The following ADAM11 variants were observed in gnomAD, a reference collection of about 807,000 sequenced individuals.
ADAM11 encodes disintegrin and metalloproteinase domain-containing protein 11.
ADAM11 carries 49 observed loss-of-function variants against 119.1 expected under a neutral mutation model. The ratio of observed to expected loss-of-function variants is 0.41; its 90% CI spans 0.33 to 0.52. ADAM11 has a LOEUF of 0.52. Among genes scored for constraint, ADAM11 ranks in the 20% least tolerant of loss-of-function variants. The pLI, the probability that ADAM11 is intolerant of heterozygous loss-of-function variation, is 0.20. For synonymous variants in ADAM11, 364 were observed against 408.0 expected (o/e 0.89, Z 1.30); for missense variants, 777 against 1,047.5 (o/e 0.74, Z 3.56).
chr17:44,763,688 C>T lies in ADAM11; in HGVS notation c.237+3791C>T, dbSNP rs568821377. On this transcript the variant is annotated intron_variant, in intron 2 of 26. Coordinates refer to ENST00000200557, the MANE Select transcript of ADAM11 (RefSeq NM_002390.6). ...ATCTGTGGGCTTATGGGGCCACATG[C>T]GTTCTGACTTGCAGGGGGATCTTGT... Among the ~76,000 whole-genome samples, 10 of 151,876 alleles carry T rather than the reference C, an allele frequency of 6.6e-5. No homozygotes were observed. The South Asian group carries it at 1.0e-3, about 16-fold the overall frequency.
At chr17:44,762,969 CAAAAAAA>C (rs56690757) in intron 2 of ADAM11, among the ~76,000 whole-genome samples, 1 of 130,772 alleles carries the variant, frequency 7.6e-6, no homozygotes. Context: ...CCGTCTCTAC[CAAAAAAA>C]AAAAAAAAAA....
chr17:44,775,735 C>A lies in ADAM11; in HGVS notation c.1485+59C>A. 2 of 1,473,396 alleles carry A rather than the reference C, an allele frequency of 1.4e-6. No homozygotes were observed. The highest frequency in any genetic ancestry group is 9.2e-7 in the Non-Finnish European group (1 of 1,091,918). The allele number at this position is 1,473,396 out of a possible 1,614,324, so 91.3% of individuals were successfully genotyped here. ...CGCAGGAGGAGCGATTGGAGGCCTT[C>A]ATATAAGGGGTGGGAGCTAGGGAGG... On this transcript the variant is annotated intron_variant, in intron 17 of 26. Transcript: ENST00000200557. The surrounding 1 kb of genome is among the most constrained non-coding windows in gnomAD (Gnocchi z 7.5).
rs746639364 is a variant in ADAM11, at chr17:44,769,838, G to C, written c.314+44G>C. The stretch of plus-strand genomic sequence containing the variant: ...CCAAGAGGAAGGGCAGTGGTGGGGC[G>C]GGGGAGACATGGCTAGGGCCTGGCT... On this transcript the variant is annotated intron_variant, in intron 3 of 26. Transcript: ENST00000200557. 10 of 1,607,022 alleles carry C rather than the reference G, an allele frequency of 6.2e-6. No homozygotes were observed. In the South Asian group the frequency reaches 1.1e-4, roughly 18 times the overall value.
At chr17:44,759,480 C>G in intron 1 of ADAM11, 1 of 1,248,318 alleles carries the variant, frequency 8.0e-7, no homozygotes, top group Non-Finnish European at 1.0e-6. Flanking sequence ...GACCGGCCAG[C>G]TCTGCAGGTC....
At chr17:44,767,027 A>C (rs1288154322) in intron 2 of ADAM11, among the ~76,000 whole-genome samples, 1 of 152,116 alleles carries the variant, frequency 6.6e-6, no homozygotes, top group South Asian at 2.1e-4. Flanking sequence ...CAACACAGTG[A>C]GATCCCATCT....
Position 44,775,642 on chromosome 17 carries a change from T to G in ADAM11, c.1451T>G (p.Met484Arg). The change falls in exon 17 of 27, where the codon ATG becomes AGG. Residue 484 changes from methionine (M) to arginine (R), a missense_variant. Around this residue, in one of 4 missense-constraint regions of ADAM11, gnomAD observed 348 missense variants for 486.7 expected, o/e 0.72. Transcript: ENST00000200557. The surrounding 1 kb of genome is among the most constrained non-coding windows in gnomAD (Gnocchi z 7.5). The part of the protein sequence containing the change: ...CKKCTLTHDA[M>R]CSDGLCCRRC... ...AAATGCACCCTGACTCACGACGCCA[T>G]GTGCAGCGACGGGCTCTGCTGTCGC... 6.3e-7 allele frequency: 1 copy of G among 1,592,288 alleles called. No individual in the cohort carries two copies. The highest frequency in any genetic ancestry group is 2.3e-5 in the East Asian group (1 of 44,310).
In ADAM11 at chr17:44,771,612, G is replaced by A; in HGVS notation, c.410G>A (p.Gly137Glu). Reference protein sequence around the residue: ...TGAGDHCYYQGKLRGNPHSFA... With the variant: ...TGAGDHCYYQEKLRGNPHSFA... ...GCTGGAGACCACTGCTACTACCAGG[G>A]GAAGCTCCGGGGGAACCCGCACTCC... Residue 137 changes from glycine to glutamate, a missense_variant, in exon 5 of 27, where the codon GGG (glycine) becomes GAG (glutamate). By Grantham distance (98) the Gly-to-Glu change is moderately conservative. Around this residue, in one of 4 missense-constraint regions of ADAM11, gnomAD observed 278 missense variants for 310.1 expected, o/e 0.90. Transcript: ENST00000200557. The A allele has an allele frequency of 6.2e-7, 1 of 1,612,020 alleles. No homozygotes were observed. The highest frequency in any genetic ancestry group is 8.5e-7 in the Non-Finnish European group (1 of 1,179,554).
At position 44,774,365 on chromosome 17, in the gene ADAM11, G is replaced by A. The variant is rs1175930254; in HGVS notation, c.1063G>A (p.Gly355Arg). 2.0e-6 allele frequency: 3 copies of A among 1,490,708 alleles called. No individual in the cohort carries two copies. Among genetic ancestry groups the A allele is most frequent in the Non-Finnish European group, 2.7e-6 (3 of 1,112,694 alleles). 92.3% of individuals were successfully genotyped at this position (1,490,708 alleles called of 1,614,324 possible). A position where few individuals can be genotyped will look rare whatever the true frequency, so the allele number is the denominator to read the frequency against. Residue 355 changes from glycine (G) to arginine (R), a missense_variant, in exon 12 of 27, where the codon GGG (glycine) becomes AGG (arginine). By Grantham distance (125) the Gly-to-Arg change is moderately radical (BLOSUM62 -2). Around this residue, in one of 4 missense-constraint regions of ADAM11, gnomAD observed 147 missense variants for 223.3 expected, o/e 0.66. Transcript: ENST00000200557. ...VGGICSLSHG[G>R]GVNEYGNMGA... ...GGGCATATGCTCCCTGTCCCACGGC[G>A]GGGGTGTGAACGAGGTGAGCAGTGG...
Position 44,778,014 on chromosome 17 carries a change from C to T in ADAM11, c.2133C>T (p.Ile711=). The T allele has an allele frequency of 6.2e-7, 1 of 1,614,018 alleles. No individual in the cohort carries two copies. Among genetic ancestry groups the T allele is most frequent in the Non-Finnish European group, 8.5e-7 (1 of 1,179,998 alleles). The change falls in exon 24 of 27, where the codon ATC becomes ATT. Residue 711 remains isoleucine, a synonymous_variant. Coordinates refer to ENST00000200557, the MANE Select transcript of ADAM11 (RefSeq NM_002390.6). ...QPDWTGKDCS[I]HNPLPTSPPT... is the part of the protein sequence containing the mutation. Reference sequence around the variant, plus strand: ...ACTGGACAGGCAAAGACTGCAGTATCCATAACCCCCTGCCCACGTCCCCAC... The same window carrying T: ...ACTGGACAGGCAAAGACTGCAGTATTCATAACCCCCTGCCCACGTCCCCAC...
At position 44,775,812 on chromosome 17, in the gene ADAM11, A is replaced by T; in HGVS notation, c.1485+136A>T. ...CTCTGGGGCAGGGCTTGATGCGAAG[A>T]CAGCGCCAATGGGGAGCAAGGGGCG... On this transcript the variant is annotated intron_variant, in intron 17 of 26. Coordinates refer to ENST00000200557, the MANE Select transcript of ADAM11 (RefSeq NM_002390.6). This position sits in a 1 kb window ranked among gnomAD's most constrained non-coding sequence, Gnocchi z 7.5. 1 of 950,862 alleles carries T rather than the reference A, an allele frequency of 1.1e-6. No homozygotes were observed. Among genetic ancestry groups the T allele is most frequent in the South Asian group, 1.7e-5 (1 of 59,388 alleles). The allele number at this position is 950,862 out of a possible 1,614,324, so 58.9% of individuals were successfully genotyped here. A position where few individuals can be genotyped will look rare whatever the true frequency, so the allele number is the denominator to read the frequency against.
At chr17:44,763,303 G>C (rs1280257995) in intron 2 of ADAM11, among the ~76,000 whole-genome samples, 2 of 152,236 alleles carry the variant, frequency 1.3e-5, no homozygotes, top group Non-Finnish European at 2.9e-5. Context: ...GGCACAGAGA[G>C]GCAACGTAAC....
rs766953887 is a variant in ADAM11, at chr17:44,780,038, A to T, written c.*284A>T. On this transcript the variant is annotated 3_prime_UTR_variant, in exon 27 of 27. Coordinates refer to ENST00000200557, the MANE Select transcript of ADAM11 (RefSeq NM_002390.6). ...TGTGAATGTAGCTTCCACCTCATGG[A>T]TTGCCACAGCTCAACTCGGGGGCGC... 7 of 691,166 alleles carry T rather than the reference A, an allele frequency of 1.0e-5. 1 individual carries two copies. The South Asian group carries it at 1.0e-4, about 10-fold the overall frequency. 42.8% of individuals were successfully genotyped at this position (691,166 alleles called of 1,614,324 possible). A position where few individuals can be genotyped will look rare whatever the true frequency, so the allele number is the denominator to read the frequency against.
Position 44,777,510 on chromosome 17 carries a change from G to A in ADAM11, c.1810G>A (p.Val604Ile). The part of the protein sequence containing the change: ...QDVLCGFLLC[V>I]NISGAPRLGD... The stretch of plus-strand genomic sequence containing the variant: ...CGTGCTGTGTGGCTTCCTCCTCTGT[G>A]TCAACATCTCTGGAGCTCCTCGGCT... The change falls in exon 22 of 27, where the codon GTC becomes ATC. Residue 604 changes from valine to isoleucine, a missense_variant. By Grantham distance (29) the Val-to-Ile change is conservative. Around this residue, in one of 4 missense-constraint regions of ADAM11, gnomAD observed 348 missense variants for 486.7 expected, o/e 0.72. Coordinates refer to ENST00000200557, the MANE Select transcript of ADAM11 (RefSeq NM_002390.6). This position sits in a 1 kb window ranked among gnomAD's most constrained non-coding sequence, Gnocchi z 5.1. 1.2e-6 allele frequency: 2 copies of A among 1,614,186 alleles called. No individual in the cohort carries two copies. Among genetic ancestry groups the A allele is most frequent in the African/African-American group, 1.3e-5 (1 of 75,048 alleles).
Position 44,759,314 on chromosome 17 carries a change from G to A in ADAM11, c.61+54G>A, listed in dbSNP as rs556160832. ...CCCCTCCCTGCCCCCGCCCCGGGAT[G>A]TGCGGCGCTTGCTGCTGCAGCCACC... On this transcript the variant is annotated intron_variant, in intron 1 of 26. Transcript: ENST00000200557. The A allele has an allele frequency of 1.2e-4, 158 of 1,341,820 alleles. 1 individual carries two copies. In the African/African-American group the frequency reaches 2.0e-3, roughly 17 times the overall value. 83.1% of individuals were successfully genotyped at this position (1,341,820 alleles called of 1,614,324 possible).
At chr17:44,766,899 T>C (rs1293866116) in intron 2 of ADAM11, among the ~76,000 whole-genome samples, 1 of 152,074 alleles carries the variant, frequency 6.6e-6, no homozygotes, top group Non-Finnish European at 1.5e-5. Flanking sequence ...GAGCACAGTT[T>C]GGCTTTGATA....
Position 44,777,769 on chromosome 17 carries a change from T to A in ADAM11, c.1976T>A (p.Met659Lys). ...GATGGCACAGCCTGCGGGCCTAACA[T>A]GTTGTGCCTGGACCATCGCTGCCTG... The part of the protein sequence containing the change: ...VEDGTACGPN[M>K]LCLDHRCLPA... The change falls in exon 23 of 27, where the codon ATG becomes AAG. Residue 659 changes from methionine to lysine, a missense_variant. By Grantham distance (95) the Met-to-Lys change is moderately conservative. Around this residue, in one of 4 missense-constraint regions of ADAM11, gnomAD observed 348 missense variants for 486.7 expected, o/e 0.72. Coordinates refer to ENST00000200557, the MANE Select transcript of ADAM11 (RefSeq NM_002390.6). The surrounding 1 kb of genome is among the most constrained non-coding windows in gnomAD (Gnocchi z 5.1). The A allele has an allele frequency of 6.2e-7, 1 of 1,613,978 alleles. No individual in the cohort carries two copies. Among genetic ancestry groups the A allele is most frequent in the South Asian group, 1.1e-5 (1 of 91,084 alleles).
chr17:44,779,202 C>A lies in ADAM11; in HGVS notation c.2277-20C>A, dbSNP rs1414675481. 6.3e-7 allele frequency: 1 copy of A among 1,589,658 alleles called. No homozygotes were observed. Among genetic ancestry groups the A allele is most frequent in the South Asian group, 1.1e-5 (1 of 88,204 alleles). On this transcript the variant is annotated intron_variant, in intron 25 of 26. Coordinates refer to ENST00000200557, the MANE Select transcript of ADAM11 (RefSeq NM_002390.6). ...AGATGTCTCCTTTTCCTCTCCCCTTCCACCATCCTCCCCCTGCAGAAACAT... is the reference window on the plus strand; with the variant it reads ...AGATGTCTCCTTTTCCTCTCCCCTTACACCATCCTCCCCCTGCAGAAACAT...
chr17:44,772,306 C>T lies in ADAM11; in HGVS notation c.583C>T (p.Pro195Ser). ...CCTCATTTACCGGACCCCTCTCCTCCCAGATCCCCTCGGATGCAGGGAACC... is the reference window on the plus strand; with the variant it reads ...CCTCATTTACCGGACCCCTCTCCTCTCAGATCCCCTCGGATGCAGGGAACC... ...PHLIYRTPLLPDPLGCREPGC... is the reference protein window; with the variant it reads ...PHLIYRTPLLSDPLGCREPGC... The change falls in exon 7 of 27, where the codon CCA becomes TCA. Residue 195 changes from proline to serine, a missense_variant. By Grantham distance (74) the Pro-to-Ser change is moderately conservative (BLOSUM62 -1). This residue lies in a region of ADAM11 where 278 missense variants were observed against 310.1 expected (regional missense o/e 0.90). Coordinates refer to ENST00000200557, the MANE Select transcript of ADAM11 (RefSeq NM_002390.6). This position sits in a 1 kb window ranked among gnomAD's most constrained non-coding sequence, Gnocchi z 4.5. The T allele has an allele frequency of 6.2e-7, 1 of 1,607,294 alleles. No individual in the cohort carries two copies. The highest frequency in any genetic ancestry group is 1.1e-5 in the South Asian group (1 of 89,710).
rs762543649 is a variant in ADAM11 at position 44,777,625 on chromosome 17, G to C, written c.1901+24G>C. On this transcript the variant is annotated intron_variant, in intron 22 of 26. Coordinates refer to ENST00000200557, the MANE Select transcript of ADAM11 (RefSeq NM_002390.6). The surrounding 1 kb of genome is among the most constrained non-coding windows in gnomAD (Gnocchi z 5.1). ...AGGTGCTGGCCAGGACCAAGACTAGGGAGGGGAGGTTGCAGCTGTGCTGGG... is the reference window on the plus strand; with the variant it reads ...AGGTGCTGGCCAGGACCAAGACTAGCGAGGGGAGGTTGCAGCTGTGCTGGG... 6.2e-7 allele frequency: 1 copy of C among 1,614,004 alleles called. No individual in the cohort carries two copies. The highest frequency in any genetic ancestry group is 1.1e-5 in the South Asian group (1 of 91,076).
Sources: gnomAD v4.1 joint callset for allele counts (sites outside exome capture counted in the v4.1 genomes callset) on GRCh38, gnomAD v4.1.1 for gene constraint, gnomAD v4.1.1 regional missense constraint, Gnocchi (gnomAD v3.1) non-coding constraint, MANE v1.5 for transcripts, NCBI Gene and HGNC (gene_info 2026-07-23, HGNC 2026-07-21) for gene names.